PCDHGA4: variants seen among roughly 807,000 people sequenced by gnomAD.
PCDHGA4 encodes protocadherin gamma-A4.
A neutral mutation model predicts 54.6 loss-of-function variants in PCDHGA4; 38 were observed. The ratio of observed to expected loss-of-function variants is 0.70; its 90% confidence interval spans 0.54 to 0.91. The LOEUF (loss-of-function observed/expected upper bound fraction) is 0.91, where lower values mean the gene tolerates loss of function less well. Ranked by LOEUF, PCDHGA4 falls within the 40% of genes least tolerant of loss-of-function variation. The pLI is 0.00. For missense variants in PCDHGA4, 1,298 were observed against 1,220.9 expected (o/e 1.06, Z -0.94); for synonymous variants, 511 against 512.9 (o/e 1.00, Z 0.05).
chr5:141,458,702 T>G (rs1333580253), intron 1 of PCDHGA4, among the ~76,000 whole-genome samples: 1 of 152,102 alleles, frequency 6.6e-6, no homozygotes, highest in East Asian at 1.9e-4. Context: ...CCCGAGTAGC[T>G]GGGATTACAG....
Position 141,489,172 on chromosome 5 carries a change from T to G in PCDHGA4, c.2515-5635T>G. 1 of 1,199,026 alleles carries G rather than the reference T, an allele frequency of 8.3e-7. No individual in the cohort carries two copies. Among genetic ancestry groups the G allele is most frequent in the East Asian group, 2.4e-5 (1 of 42,106 alleles). The allele number at this position is 1,199,026 out of a possible 1,614,324, so 74.3% of individuals were successfully genotyped here. ...ACATAAGAGACTTCAGCTGCTGCATTCCAAGCCCTGGGTCTACCTTGGAGA... is the reference window on the plus strand; with the variant it reads ...ACATAAGAGACTTCAGCTGCTGCATGCCAAGCCCTGGGTCTACCTTGGAGA... On this transcript the variant is annotated intron_variant, in intron 1 of 3. Coordinates refer to ENST00000571252, the MANE Select transcript of PCDHGA4 (RefSeq NM_018917.4). This position sits in a 1 kb window ranked among gnomAD's most constrained non-coding sequence, Gnocchi z 4.5.
At chr5:141,460,087 A>T (rs2098981724) in intron 1 of PCDHGA4, among the ~76,000 whole-genome samples, 1 of 152,008 alleles carries the variant, frequency 6.6e-6, no homozygotes, top group African/African-American at 2.4e-5. Flanking sequence ...AAAAAATAAT[A>T]ATTATACATG....
rs138031063 is a variant in PCDHGA4 at position 141,447,985 on chromosome 5, C to T, written c.2515-46822C>T. Among the ~76,000 whole-genome samples the T allele has an allele frequency of 3.9e-3, 591 of 152,010 alleles. 6 individuals are homozygous for T. The highest frequency in any genetic ancestry group is 0.011 in the Admixed American group (170 of 15,260). On this transcript the variant is annotated intron_variant, in intron 1 of 3. Transcript: ENST00000571252. ...CCTATAATCCCAGCTACTCGGGAGG[C>T]TGAGGCATGAGAATCGCTTGAACCC...
At chr5:141,474,756 T>C (rs2099354156) in intron 1 of PCDHGA4, among the ~76,000 whole-genome samples, 1 of 152,244 alleles carries the variant, frequency 6.6e-6, no homozygotes, top group Non-Finnish European at 1.5e-5. Flanking sequence ...AAGACAAATA[T>C]ACAGAAATAG....
chr5:141,365,958 G>A lies in PCDHGA4; in HGVS notation c.2514+8337G>A, dbSNP rs779781915. On this transcript the variant is annotated intron_variant, in intron 1 of 3. Transcript: ENST00000571252. ...AGCGACAGTGGGAACCCTCCACTTA[G>A]CAGCAACGTGTCGCTGAGCCTGTTT... The A allele has an allele frequency of 6.8e-6, 11 of 1,614,252 alleles. No homozygotes were observed. The East Asian group carries it at 2.0e-4, about 29-fold the overall frequency.
chr5:141,472,281 C>A (rs944776124), intron 1 of PCDHGA4, among the ~76,000 whole-genome samples: 2 of 152,202 alleles, frequency 1.3e-5, no homozygotes, highest in Non-Finnish European at 2.9e-5. Context: ...GTGGCTCACA[C>A]CTGTAATCCC....
At chr5:141,395,424 T>C in intron 1 of PCDHGA4, 2 of 735,384 alleles carry the variant, frequency 2.7e-6, no homozygotes, top group Middle Eastern at 7.8e-4. Flanking sequence ...TTTCATTTGC[T>C]TTTAAACGAC....
intron 2 of PCDHGA4, among the ~76,000 whole-genome samples, chr5:141,496,054 G>A (rs180707408): frequency 6.6e-6 from 1 of 150,988 alleles, no homozygotes; most frequent in Admixed American, 6.6e-5. Context: ...TTTTGTGCTT[G>A]TGGGCAAGCC....
intron 1 of PCDHGA4, among the ~76,000 whole-genome samples, chr5:141,457,424 C>T (rs1261475379): frequency 6.6e-6 from 1 of 152,068 alleles, no homozygotes; most frequent in Non-Finnish European, 1.5e-5. Context: ...TCCCTTTTTC[C>T]CCCCCACCAA....
At chr5:141,392,127 A>G (rs2092470129) in intron 1 of PCDHGA4, 1 of 152,236 alleles carries the variant, frequency 6.6e-6, no homozygotes, top group Admixed American at 6.5e-5. Flanking sequence ...AGCTTGTAAA[A>G]TGATTAAGTA....
Position 141,485,831 on chromosome 5 carries a change from C to T in PCDHGA4, c.2515-8976C>T. 1 of 1,614,080 alleles carries T rather than the reference C, an allele frequency of 6.2e-7. No individual in the cohort carries two copies. The highest frequency in any genetic ancestry group is 8.5e-7 in the Non-Finnish European group (1 of 1,180,026). ...GCTGACTGCTGTCGATGGAGGGAAC[C>T]CGCCGAGATCTGGCACCGCAGAGCT... On this transcript the variant is annotated intron_variant, in intron 1 of 3. Coordinates refer to ENST00000571252, the MANE Select transcript of PCDHGA4 (RefSeq NM_018917.4). This position sits in a 1 kb window ranked among gnomAD's most constrained non-coding sequence, Gnocchi z 5.7.
intron 1 of PCDHGA4, chr5:141,383,529 G>C (rs367939205): frequency 2.4e-5 from 39 of 1,612,356 alleles, no homozygotes; most frequent in Non-Finnish European, 3.1e-5. Flanking sequence ...TTCACCACCT[G>C]GTCCTCACAG....
At chr5:141,409,519 C>T in intron 1 of PCDHGA4, 1 of 1,614,040 alleles carries the variant, frequency 6.2e-7, no homozygotes, top group Non-Finnish European at 8.5e-7. Context: ...GAAGCATCAC[C>T]TTGTATGTCG....
At position 141,490,597 on chromosome 5, in the gene PCDHGA4, C is replaced by G. The variant is rs781077720; in HGVS notation, c.2515-4210C>G. 1 of 1,614,182 alleles carries G rather than the reference C, an allele frequency of 6.2e-7. No homozygotes were observed. On this transcript the variant is annotated intron_variant, in intron 1 of 3. Transcript: ENST00000571252. This position sits in a 1 kb window ranked among gnomAD's most constrained non-coding sequence, Gnocchi z 5.4. ...TTCAGATGTCAATGACAATGCACCC[C>G]GCTTCAACCAGCAGCTTTACACTGC...
chr5:141,400,776 G>T (rs1461818790), intron 1 of PCDHGA4: 3 of 557,594 alleles, frequency 5.4e-6, no homozygotes, highest in Non-Finnish European at 9.4e-6. Context: ...CATTTGGTGC[G>T]TTTTTTTGTC....
chr5:141,447,558 G>T (rs551305232), intron 1 of PCDHGA4, among the ~76,000 whole-genome samples: 1 of 152,264 alleles, frequency 6.6e-6, no homozygotes, highest in African/African-American at 2.4e-5. Context: ...GAGTACACTT[G>T]GAGGATTCTA....
chr5:141,399,465 G>A, intron 1 of PCDHGA4: 1 of 1,614,014 alleles, frequency 6.2e-7, no homozygotes, highest in Non-Finnish European at 8.5e-7. Context: ...ATAACGCTCC[G>A]GTTTTCCACC....
At chr5:141,406,021 G>A (rs530576205) in intron 1 of PCDHGA4, among the ~76,000 whole-genome samples, 1 of 151,382 alleles carries the variant, frequency 6.6e-6, no homozygotes, top group East Asian at 1.9e-4. Context: ...GGCTTTTTGG[G>A]TAGGGTTGCT....
chr5:141,399,525 C>T (rs1170362164), intron 1 of PCDHGA4: 1 of 1,614,058 alleles, frequency 6.2e-7, no homozygotes, highest in East Asian at 2.2e-5. Flanking sequence ...CTGGGGCCTC[C>T]ATCGCGCAAG....
Sources: gnomAD v4.1 joint callset for allele counts (sites outside exome capture counted in the v4.1 genomes callset) on GRCh38, gnomAD v4.1.1 for gene constraint, Gnocchi (gnomAD v3.1) non-coding constraint, MANE v1.5 for transcripts, NCBI Gene and HGNC (gene_info 2026-07-23, HGNC 2026-07-21) for gene names.